PTPRD: variants seen among roughly 807,000 people sequenced by gnomAD.
PTPRD encodes the protein protein tyrosine phosphatase receptor type D.
PTPRD carries 34 observed loss-of-function variants against 214.5 expected under a neutral mutation model. That is an observed-to-expected ratio of 0.16 (90% CI 0.12 to 0.21). The LOEUF is 0.21. Among genes scored for constraint, PTPRD ranks in the 10% least tolerant of loss-of-function variants. The pLI is 1.00. For missense variants in PTPRD, 2,545 were observed against 2,398.7 expected (o/e 1.06, Z -1.27); for synonymous variants, 1,128 against 845.7 (o/e 1.33, Z -5.79).
In PTPRD at chr9:10,225,735, A is replaced by G. The variant is rs186840492; in HGVS notation, c.-545+115228T>C. ...TGTGGATACATGCCTCAACTGCAAG[A>G]GCATTACTTAAAAATTAAATGAATC... is the stretch of plus-strand genomic sequence containing the variant. On this transcript the variant is annotated intron_variant, in intron 3 of 45. Coordinates refer to ENST00000381196, the MANE Select transcript of PTPRD (RefSeq NM_002839.4). 3.3e-4 allele frequency among the ~76,000 whole-genome samples: 50 copies of G among 152,198 alleles called. No individual in the cohort carries two copies. In the Middle Eastern group the frequency reaches 0.01, roughly 31 times the overall value.
At chr9:9,400,017 A>T (rs527555073) in intron 8 of PTPRD, among the ~76,000 whole-genome samples, 1 of 152,094 alleles carries the variant, frequency 6.6e-6, no homozygotes, top group African/African-American at 2.4e-5. Flanking sequence ...TTTTTGTTAT[A>T]ATTATTAATA....
At chr9:8,602,586 T>C (rs1246953294) in intron 14 of PTPRD, among the ~76,000 whole-genome samples, 3 of 152,248 alleles carry the variant, frequency 2.0e-5, no homozygotes, top group Non-Finnish European at 4.4e-5. Flanking sequence ...CATGTTTTTA[T>C]CTGACATAAA....
At chr9:9,245,535 T>C (rs916171375) in intron 9 of PTPRD, among the ~76,000 whole-genome samples, 12 of 151,152 alleles carry the variant, frequency 7.9e-5, no homozygotes, top group Admixed American at 3.3e-4. Flanking sequence ...AACCAAACAC[T>C]GCATGTTCTC....
intron 35 of PTPRD, among the ~76,000 whole-genome samples, chr9:8,405,879 A>G (rs1015293969): frequency 1.3e-5 from 2 of 152,178 alleles, no homozygotes; most frequent in Non-Finnish European, 2.9e-5. Flanking sequence ...AAAATACTAA[A>G]GATGTGCACA....
chr9:9,110,729 G>A (rs1432029554), intron 10 of PTPRD, among the ~76,000 whole-genome samples: 1 of 152,068 alleles, frequency 6.6e-6, no homozygotes, highest in Admixed American at 6.6e-5. Context: ...CCTGTACTTT[G>A]GAAAGTCTTC....
At chr9:8,319,751 G>A (rs921876207) in intron 45 of PTPRD, 80 bp downstream of exon 45, 2 of 1,529,152 alleles carry the variant, frequency 1.3e-6, no homozygotes, top group South Asian at 2.4e-5. Flanking sequence ...GTCTGGTGTT[G>A]AGAGAGTATG....
intron 2 of PTPRD, among the ~76,000 whole-genome samples, chr9:10,606,722 G>C (rs191265554): frequency 2.6e-5 from 4 of 151,922 alleles, no homozygotes; most frequent in Non-Finnish European, 5.9e-5. Flanking sequence ...CATGTTACAT[G>C]TGGGTAGTAG....
At chr9:9,344,373 T>C (rs1490368900) in intron 9 of PTPRD, among the ~76,000 whole-genome samples, 1 of 152,018 alleles carries the variant, frequency 6.6e-6, no homozygotes, top group Admixed American at 6.6e-5. Flanking sequence ...AAATACCTAA[T>C]GCATGCGGGG....
intron 3 of PTPRD, among the ~76,000 whole-genome samples, chr9:10,195,875 A>G (rs1329461037): frequency 2.0e-5 from 3 of 152,152 alleles, no homozygotes; most frequent in Non-Finnish European, 4.4e-5. Flanking sequence ...ACAAAACACT[A>G]TGTTAAGTAA....
At chr9:9,287,606 T>C (rs1237855818) in intron 9 of PTPRD, among the ~76,000 whole-genome samples, 1 of 151,916 alleles carries the variant, frequency 6.6e-6, no homozygotes, top group South Asian at 2.1e-4. Flanking sequence ...TGCTTGTGGA[T>C]AGATATGATG....
chr9:9,425,186 T>TCCAC (rs2080341060), intron 8 of PTPRD, among the ~76,000 whole-genome samples: 1 of 151,778 alleles, frequency 6.6e-6, no homozygotes, highest in Non-Finnish European at 1.5e-5. Flanking sequence ...AGCCAGTACA[T>TCCAC]CCATTTTATT....
intron 20 of PTPRD, among the ~76,000 whole-genome samples, chr9:8,521,060 G>A (rs533108756): frequency 1.3e-5 from 2 of 152,068 alleles, no homozygotes; most frequent in African/African-American, 4.8e-5. Context: ...ATATTCTGAT[G>A]ATTATCTCTA....
chr9:9,989,046 C>A (rs866322654), intron 4 of PTPRD, among the ~76,000 whole-genome samples: 1,511 of 62,778 alleles, frequency 0.024, 32 homozygotes, highest in African/African-American at 0.074. Flanking sequence ...AAAAAAAAAA[C>A]CACAGACTTT....
At chr9:9,982,000 C>T (rs1566910313) in intron 4 of PTPRD, among the ~76,000 whole-genome samples, 1 of 152,144 alleles carries the variant, frequency 6.6e-6, no homozygotes, top group African/African-American at 2.4e-5. Flanking sequence ...GATTAATTAT[C>T]AGTAAATGAG....
chr9:8,701,359 G>C (rs1165471039), intron 12 of PTPRD: 1 of 152,120 alleles, frequency 6.6e-6, no homozygotes, highest in African/African-American at 2.4e-5. Context: ...TCCCAGCCGG[G>C]CTCAGCGGCT....
intron 4 of PTPRD, among the ~76,000 whole-genome samples, chr9:9,998,129 A>AAATATATATATATATATAT (rs57991748): frequency 7.7e-5 from 7 of 91,460 alleles, no homozygotes; most frequent in African/African-American, 3.5e-4. Context: ...AAAAAAAAAA[A>AAATATATATATATATATAT]ATATATATAT....
intron 2 of PTPRD, among the ~76,000 whole-genome samples, chr9:10,569,985 C>T (rs1259974878): frequency 6.6e-6 from 1 of 152,062 alleles, no homozygotes; most frequent in East Asian, 1.9e-4. Flanking sequence ...AATAAGCCAA[C>T]CTTAACCTAT....
chr9:10,354,810 G>A (rs2097246249), intron 2 of PTPRD, among the ~76,000 whole-genome samples: 1 of 152,082 alleles, frequency 6.6e-6, no homozygotes, highest in Admixed American at 6.6e-5. Flanking sequence ...CAGTTCTAAT[G>A]GAGAGAAGGA....
intron 2 of PTPRD, among the ~76,000 whole-genome samples, chr9:10,575,460 G>A (rs2068922540): frequency 6.6e-6 from 1 of 152,098 alleles, no homozygotes; most frequent in South Asian, 2.1e-4. Flanking sequence ...TAGAAAAGCA[G>A]TTGCAAAACA....
Sources: gnomAD v4.1 joint callset for allele counts (sites outside exome capture counted in the v4.1 genomes callset) on GRCh38, gnomAD v4.1.1 for gene constraint, MANE v1.5 for transcripts, NCBI Gene and HGNC (gene_info 2026-07-23, HGNC 2026-07-21) for gene names.